Variants in HEPACAM2 observed in about 807,000 individuals in gnomAD.
HEPACAM2 encodes mitotic kinetics regulator.
In HEPACAM2, 49 loss-of-function variants were observed where a neutral mutation model predicts 49.6. The observed-to-expected ratio is 0.99, with a 90% confidence interval of 0.78 to 1.25. The LOEUF is 1.25. Among genes scored for constraint, HEPACAM2 ranks in the 50% most tolerant of loss-of-function variants. The pLI is 0.00. For synonymous variants in HEPACAM2, 197 were observed against 202.9 expected, an observed-to-expected ratio of 0.97 and a Z score of 0.25; for missense variants, 525 against 557.2, an observed-to-expected ratio of 0.94 and a Z score of 0.58.
intron 3 of HEPACAM2, among the ~76,000 whole-genome samples, chr7:93,211,055 T>C (rs181769249): frequency 1.6e-4 from 24 of 152,080 alleles, no homozygotes; most frequent in Non-Finnish European, 3.4e-4. Context: ...ATTCCCAGAG[T>C]GGTTCTCTAT....
chr7:93,194,691 G>A (rs147650387), intron 8 of HEPACAM2, among the ~76,000 whole-genome samples: 80 of 152,130 alleles, frequency 5.3e-4, no homozygotes, highest in African/African-American at 1.9e-3. Context: ...CTGAACAAGA[G>A]AAGTCACGAT....
chr7:93,226,532 C>G (rs775369880), upstream of HEPACAM2: 168 of 938,688 alleles, frequency 1.8e-4, 1 homozygote, highest in African/African-American at 7.2e-4. Context: ...GGTAACAGAC[C>G]CTATCTTGCC....
In HEPACAM2 at chr7:93,215,645, A is replaced by T. The variant is rs747789823; in HGVS notation, c.471T>A (p.Ser157=). Residue 157 remains serine, a synonymous_variant, in exon 3 of 10, where the codon TCT becomes TCA. Transcript: ENST00000394468. ...TGTTCCCCACATACTCCACAGCCCC[A>T]GAGGGAGGATGAATCTGCACCACTG... ...TKPVVQIHPP[S]GAVEYVGNMT... is the part of the protein sequence containing the mutation. The T allele has an allele frequency of 6.2e-7, 1 of 1,613,676 alleles. No homozygotes were observed. Among genetic ancestry groups the T allele is most frequent in the East Asian group, 2.2e-5 (1 of 44,860 alleles).
chr7:93,201,060 G>T (rs1392064800), intron 4 of HEPACAM2, among the ~76,000 whole-genome samples: 1 of 152,138 alleles, frequency 6.6e-6, no homozygotes, highest in Non-Finnish European at 1.5e-5. Context: ...TAGGTAGGGG[G>T]AGAAAGTGCA....
chr7:93,217,080 T>C (rs1228177943), intron 2 of HEPACAM2, among the ~76,000 whole-genome samples: 2 of 152,210 alleles, frequency 1.3e-5, no homozygotes, highest in Admixed American at 1.3e-4. Context: ...CTATTTAATT[T>C]AATCCTTCAT....
intron 4 of HEPACAM2, among the ~76,000 whole-genome samples, chr7:93,202,033 A>AAAAAAAAAAAAAAAAC (rs1793903651): frequency 1.4e-3 from 20 of 14,586 alleles, no homozygotes; most frequent in African/African-American, 2.5e-3. Flanking sequence ...AAAAAAAACC[A>AAAAAAAAAAAAAAAAC]AAAAAAAAAA....
At chr7:93,191,805 G>T (rs527619341) in intron 9 of HEPACAM2, among the ~76,000 whole-genome samples, 1 of 152,168 alleles carries the variant, frequency 6.6e-6, no homozygotes, top group Admixed American at 6.6e-5. Context: ...GATTGGCATT[G>T]GTGCTGACTG....
chr7:93,200,021 A>G (rs1793839684), intron 4 of HEPACAM2, among the ~76,000 whole-genome samples: 1 of 151,280 alleles, frequency 6.6e-6, no homozygotes, highest in African/African-American at 2.4e-5. Flanking sequence ...TTAGAGGGCA[A>G]TCCTTTGAAG....
At chr7:93,215,746 A>G (rs1794294394) in intron 2 of HEPACAM2, 61 bp from the exon 3 acceptor site, 15 of 1,517,830 alleles carry the variant, frequency 9.9e-6, no homozygotes, top group South Asian at 1.2e-5. Flanking sequence ...ATAAAACCCT[A>G]TGAGGTCTTT....
chr7:93,220,482 A>G (rs902272943), intron 1 of HEPACAM2, among the ~76,000 whole-genome samples: 21 of 152,256 alleles, frequency 1.4e-4, no homozygotes, highest in African/African-American at 4.8e-4. Flanking sequence ...AAGGAATTGC[A>G]GTAAATAAAT....
intron 9 of HEPACAM2, among the ~76,000 whole-genome samples, chr7:93,190,188 A>G (rs548201690): frequency 1.3e-5 from 2 of 152,186 alleles, no homozygotes; most frequent in African/African-American, 4.8e-5. Context: ...GATAAAGAAA[A>G]AGGAAGCATT....
At position 93,219,024 on chromosome 7, in the gene HEPACAM2, C is replaced by G. The variant is rs1038500211; in HGVS notation, c.430+77G>C. Reference sequence around the variant, plus strand: ...AAGTTGTGAAGCCAAGATCTAAAGCCGAAGTAGTTTAGTCTCCTGAGCCTT... The same window carrying G: ...AAGTTGTGAAGCCAAGATCTAAAGCGGAAGTAGTTTAGTCTCCTGAGCCTT... On this transcript the variant is annotated intron_variant, in intron 2 of 9. Coordinates refer to ENST00000394468, the MANE Select transcript of HEPACAM2 (RefSeq NM_001039372.4). 3.2e-6 allele frequency: 4 copies of G among 1,264,372 alleles called. No homozygotes were observed. In the South Asian group the frequency reaches 5.5e-5, roughly 18 times the overall value. 78.3% of individuals were successfully genotyped at this position (1,264,372 alleles called of 1,614,324 possible).
intron 4 of HEPACAM2, 103 bp from the exon 5 acceptor site, chr7:93,197,713 A>ACGTGTTTATATATTTT: frequency 1.3e-6 from 1 of 754,810 alleles, no homozygotes; most frequent in Non-Finnish European, 2.1e-6. Flanking sequence ...AAAAAAATAT[A>ACGTGTTTATATATTTT]TAAACACGTA....
At chr7:93,223,965 T>C (rs755448860) in intron 1 of HEPACAM2, among the ~76,000 whole-genome samples, 1 of 152,184 alleles carries the variant, frequency 6.6e-6, no homozygotes, top group Non-Finnish European at 1.5e-5. Flanking sequence ...ACAGATGTGA[T>C]GAATTCATGC....
chr7:93,226,132 G>A (rs1446935671), intron 1 of HEPACAM2, among the ~76,000 whole-genome samples: 1 of 152,010 alleles, frequency 6.6e-6, no homozygotes, highest in Non-Finnish European at 1.5e-5. Flanking sequence ...ATCTTAATGA[G>A]TGCTATGACA....
chr7:93,223,745 T>C (rs913981209), intron 1 of HEPACAM2, among the ~76,000 whole-genome samples: 2 of 152,198 alleles, frequency 1.3e-5, no homozygotes, highest in African/African-American at 2.4e-5. Context: ...AGATAAATTA[T>C]AGGTAGCAAG....
At chr7:93,224,578 C>T (rs1584358722) in intron 1 of HEPACAM2, among the ~76,000 whole-genome samples, 1 of 152,076 alleles carries the variant, frequency 6.6e-6, no homozygotes, top group African/African-American at 2.4e-5. Context: ...ATGACAATAG[C>T]ACTATAAAAA....
chr7:93,189,086 T>C lies in HEPACAM2; in HGVS notation c.*181A>G. ...TCTGTTGCACAAGACATTGTGTATA[T>C]GCTGAAAAACCTGCAGTTCAATTTG... On this transcript the variant is annotated 3_prime_UTR_variant, in exon 10 of 10. Transcript: ENST00000394468. 3.8e-6 allele frequency: 2 copies of C among 526,508 alleles called. No homozygotes were observed. The highest frequency in any genetic ancestry group is 6.7e-6 in the Non-Finnish European group (2 of 297,358). 32.6% of individuals were successfully genotyped at this position (526,508 alleles called of 1,614,324 possible). A position where few individuals can be genotyped will look rare whatever the true frequency, so the allele number is the denominator to read the frequency against.
intron 4 of HEPACAM2, among the ~76,000 whole-genome samples, chr7:93,202,821 T>A (rs551586195): frequency 1.3e-5 from 2 of 152,166 alleles, no homozygotes; most frequent in South Asian, 2.1e-4. Flanking sequence ...CAGACACTTC[T>A]GTGATTCTCC....
Sources: allele counts gnomAD v4.1 joint callset (sites outside exome capture counted in the v4.1 genomes callset), GRCh38; gene constraint gnomAD v4.1.1; transcripts MANE v1.5; gene names NCBI Gene and HGNC (gene_info 2026-07-23, HGNC 2026-07-21).